Variants in CHD1 observed in about 807,000 individuals in gnomAD.
CHD1 encodes the protein ATP-dependent chromatin remodeler CHD1.
A neutral mutation model predicts 224.2 loss-of-function variants in CHD1; 36 were observed. The observed-to-expected ratio is 0.16, with a 90% confidence interval of 0.12 to 0.21. The LOEUF is 0.21. Among genes scored for constraint, CHD1 ranks in the 10% least tolerant of loss-of-function variants. CHD1 has a pLI of 1.00. For missense variants in CHD1, 1,378 were observed against 1,994.8 expected (o/e 0.69, Z 5.89); for synonymous variants, 668 against 658.3 (o/e 1.01, Z -0.23).
chr5:98,855,437 T>A lies in CHD1; in HGVS notation c.*943A>T, dbSNP rs1262736974. On this transcript the variant is annotated 3_prime_UTR_variant, in exon 36 of 36. Transcript: ENST00000614616. Reference sequence around the variant, plus strand: ...CACCTACCCTTTTAAACCAGATGCATCTGAAAAAAGTGTTTCCAGAGCATG... The same window carrying A: ...CACCTACCCTTTTAAACCAGATGCAACTGAAAAAAGTGTTTCCAGAGCATG... The A allele has an allele frequency of 6.6e-6, 1 of 152,430 alleles. No individual in the cohort carries two copies. The allele number at this position is 152,430 out of a possible 1,614,324, so 9.4% of individuals were successfully genotyped here. A position where few individuals can be genotyped will look rare whatever the true frequency, so the allele number is the denominator to read the frequency against.
intron 3 of CHD1, 30 bp downstream of exon 3, chr5:98,904,856 ATACAAGCAATC>A: frequency 6.3e-7 from 1 of 1,584,144 alleles, no homozygotes; most frequent in African/African-American, 1.3e-5. Context: ...TCCCAAAGTA[ATACAAGCAATC>A]TACCTTTCAT....
rs1363074287 is a variant in CHD1 at position 98,855,212 on chromosome 5, CTTAAAT to C, written c.*1162_*1167del. 1 of 152,474 alleles carries C rather than the reference CTTAAAT, an allele frequency of 6.6e-6. No individual in the cohort carries two copies. The highest frequency in any genetic ancestry group is 2.4e-5 in the African/African-American group (1 of 41,376). 9.4% of individuals were successfully genotyped at this position (152,474 alleles called of 1,614,324 possible). A position where few individuals can be genotyped will look rare whatever the true frequency, so the allele number is the denominator to read the frequency against. On this transcript the variant is annotated 3_prime_UTR_variant, in exon 36 of 36. Transcript: ENST00000614616. The stretch of plus-strand genomic sequence containing the variant: ...TTACAGGAGCCCACATATCCTTTTT[CTTAAAT>C]TTAATTTGTCATATATAACGTTTTT...
chr5:98,929,001 G>C lies in CHD1; in HGVS notation c.-611C>G, dbSNP rs1019359377. ...TGCTCACTCCCCTTCCCGACAGAGC[G>C]CGAGGCGGGCGGGCGCGCGCACGCC... On this transcript the variant is annotated 5_prime_UTR_variant, in exon 1 of 36. Transcript: ENST00000614616. The C allele has an allele frequency of 6.6e-6, 1 of 152,228 alleles. No individual in the cohort carries two copies. The highest frequency in any genetic ancestry group is 1.5e-5 in the Non-Finnish European group (1 of 68,050). The allele number at this position is 152,228 out of a possible 1,614,324, so 9.4% of individuals were successfully genotyped here. A position where few individuals can be genotyped will look rare whatever the true frequency, so the allele number is the denominator to read the frequency against.
At position 98,889,799 on chromosome 5, in the gene CHD1, G is replaced by A. The variant is rs1364052534; in HGVS notation, c.2181-561C>T. Reference sequence around the variant, plus strand: ...GAGATTAGAATGGTCCCCATACAAGGATGACATGCAAATCCATGAACACTC... The same window carrying A: ...GAGATTAGAATGGTCCCCATACAAGAATGACATGCAAATCCATGAACACTC... On this transcript the variant is annotated intron_variant, in intron 15 of 35. Transcript: ENST00000614616. The A allele has an allele frequency of 3.9e-5, 6 of 151,974 alleles. No homozygotes were observed. In the East Asian group the frequency reaches 7.7e-4, roughly 20 times the overall value. 9.4% of individuals were successfully genotyped at this position (151,974 alleles called of 1,614,324 possible).
chr5:98,867,795 GTTTTTTTTTTTTTT>G (rs71619163), intron 31 of CHD1, among the ~76,000 whole-genome samples: 1 of 98,064 alleles, frequency 1.0e-5, no homozygotes, highest in Non-Finnish European at 1.9e-5. Flanking sequence ...TATCTTCCTT[GTTTTTTTTTTTTTT>G]TTTTTTTTTG....
rs1263650413 is a variant in CHD1, at chr5:98,926,533, A to T, written c.-147T>A. The T allele has an allele frequency of 2.3e-6, 1 of 429,302 alleles. No individual in the cohort carries two copies. The highest frequency in any genetic ancestry group is 2.1e-5 in the African/African-American group (1 of 48,520). 26.6% of individuals were successfully genotyped at this position (429,302 alleles called of 1,614,324 possible). ...GTTTTCTGGGACTCTCCTTTGATTCACCTAAAGAAAATATATTAATAAATT... is the reference window on the plus strand; with the variant it reads ...GTTTTCTGGGACTCTCCTTTGATTCTCCTAAAGAAAATATATTAATAAATT... On this transcript the variant is annotated splice_region_variant and 5_prime_UTR_variant, in exon 2 of 36. Coordinates refer to ENST00000614616, the MANE Select transcript of CHD1 (RefSeq NM_001270.4).
intron 18 of CHD1, among the ~76,000 whole-genome samples, chr5:98,884,270 T>A (rs1750477922): frequency 6.6e-6 from 1 of 151,808 alleles, no homozygotes. Flanking sequence ...GAGATGGGGT[T>A]TCACTGTGTT....
At position 98,858,177 on chromosome 5, in the gene CHD1, T is replaced by C; in HGVS notation, c.4787+3A>G. 2 of 1,611,380 alleles carry C rather than the reference T, an allele frequency of 1.2e-6. No homozygotes were observed. The highest frequency in any genetic ancestry group is 1.7e-6 in the Non-Finnish European group (2 of 1,178,112). On this transcript the variant is annotated splice_donor_region_variant and intron_variant, in intron 35 of 35. Transcript: ENST00000614616. ...AAATTTCTAAAGTGACTGCCAAGTTTACCTGCTGTCTTGCTTGTAGTGATC... is the reference window on the plus strand; with the variant it reads ...AAATTTCTAAAGTGACTGCCAAGTTCACCTGCTGTCTTGCTTGTAGTGATC...
intron 31 of CHD1, among the ~76,000 whole-genome samples, chr5:98,868,012 G>C (rs1427805002): frequency 1.3e-5 from 2 of 151,602 alleles, no homozygotes; most frequent in Admixed American, 6.6e-5. Context: ...TGTTGGCCAG[G>C]TTGATCTCAA....
At chr5:98,901,124 C>T (rs760556178) in intron 6 of CHD1, 42 bp from the exon 7 acceptor site, 3 of 1,571,992 alleles carry the variant, frequency 1.9e-6, no homozygotes, top group Admixed American at 4.0e-5. Flanking sequence ...ATTTGAGAAA[C>T]TATATACAAA....
At chr5:98,921,218 T>C (rs1753072890) in intron 2 of CHD1, among the ~76,000 whole-genome samples, 1 of 152,132 alleles carries the variant, frequency 6.6e-6, no homozygotes, top group African/African-American at 2.4e-5. Context: ...CAGCAAGAGC[T>C]CAACAATCAT....
intron 30 of CHD1, chr5:98,868,848 AT>A (rs1200706975): frequency 2.7e-5 from 16 of 584,324 alleles, no homozygotes; most frequent in Non-Finnish European, 3.4e-5. Flanking sequence ...AAGGTAAAGC[AT>A]TAAAGAGTGT....
Position 98,856,030 on chromosome 5 carries a change from C to A in CHD1, c.*350G>T. On this transcript the variant is annotated 3_prime_UTR_variant, in exon 36 of 36. Coordinates refer to ENST00000614616, the MANE Select transcript of CHD1 (RefSeq NM_001270.4). ...GGTCAGAGTAAAGTTCATATATAAA[C>A]ATAATTTAAATGGAGGTCAGTCTAA... The A allele has an allele frequency of 5.9e-6, 1 of 168,440 alleles. No homozygotes were observed. Among genetic ancestry groups the A allele is most frequent in the Admixed American group, 5.6e-5 (1 of 17,960 alleles). 10.4% of individuals were successfully genotyped at this position (168,440 alleles called of 1,614,324 possible). A position where few individuals can be genotyped will look rare whatever the true frequency, so the allele number is the denominator to read the frequency against.
At chr5:98,889,895 A>T (rs1480288606) in intron 15 of CHD1, 1 of 152,242 alleles carries the variant, frequency 6.6e-6, no homozygotes, top group Non-Finnish European at 1.5e-5. Flanking sequence ...AATGCCCTTC[A>T]AATAAAATAA....
chr5:98,872,373 AT>A, intron 27 of CHD1, 43 bp downstream of exon 27: 1 of 1,575,226 alleles, frequency 6.3e-7, no homozygotes, highest in East Asian at 2.3e-5. Flanking sequence ...TTTTGCAATT[AT>A]TGAATAACAA....
In CHD1 at chr5:98,892,579, T is replaced by C. The variant is rs1341195384; in HGVS notation, c.2126A>G (p.Lys709Arg). ...KKDVEKSLPA[K>R]VEQILRMEMS... ...TTCCATTCTTAAAATCTGCTCAACC[T>C]TGGCAGGAAGAGATTTTTCCACATC... The change falls in exon 15 of 36, where the codon AAG (lysine) becomes AGG (arginine). Residue 709 changes from lysine to arginine, a missense_variant. Around this residue, in one of 16 missense-constraint regions of CHD1, gnomAD observed 37 missense variants for 118.9 expected, o/e 0.31. Transcript: ENST00000614616. 1.2e-6 allele frequency: 2 copies of C among 1,613,958 alleles called. No individual in the cohort carries two copies. The highest frequency in any genetic ancestry group is 8.5e-7 in the Non-Finnish European group (1 of 1,179,864).
intron 17 of CHD1, among the ~76,000 whole-genome samples, chr5:98,887,348 T>TA: frequency 6.6e-6 from 1 of 152,262 alleles, no homozygotes; most frequent in East Asian, 1.9e-4. Context: ...TAAGAGATGA[T>TA]AAGCTCTGAC....
intron 2 of CHD1, 131 bp downstream of exon 2, chr5:98,926,203 A>G: frequency 1.8e-6 from 1 of 553,088 alleles, no homozygotes; most frequent in Non-Finnish European, 3.2e-6. Flanking sequence ...TAGTATTTGG[A>G]TAGCTAAGAG....
rs187553309 is a variant in CHD1, at chr5:98,868,264, C to A, written c.4248+231G>T. Among the ~76,000 whole-genome samples the A allele has an allele frequency of 1.7e-4, 25 of 150,766 alleles. No homozygotes were observed. In the East Asian group the frequency reaches 3.3e-3, roughly 20 times the overall value. On this transcript the variant is annotated intron_variant, in intron 31 of 35. Transcript: ENST00000614616. ...GGCACTTGAGCCCAGGAGGTTGAAG[C>A]CGCAATGGGCCGTGACTGCACCACT...
Sources: allele counts gnomAD v4.1 joint callset (sites outside exome capture counted in the v4.1 genomes callset), GRCh38; gene constraint gnomAD v4.1.1; regional missense constraint gnomAD v4.1.1; transcripts MANE v1.5; gene names NCBI Gene and HGNC (gene_info 2026-07-23, HGNC 2026-07-21).